The following KCNH7 variants were observed in gnomAD, a reference collection of about 807,000 sequenced individuals.
KCNH7 encodes the protein voltage-gated inwardly rectifying potassium channel KCNH7.
In KCNH7, 49 loss-of-function variants were observed where a neutral mutation model predicts 120.8. The observed-to-expected ratio is 0.41, with a 90% CI of 0.32 to 0.51. The LOEUF (loss-of-function observed/expected upper bound fraction) is 0.51, where lower values mean the gene tolerates loss of function less well. Among genes scored for constraint, KCNH7 ranks in the 20% least tolerant of loss-of-function variants. The pLI, the probability that KCNH7 is intolerant of heterozygous loss-of-function variation, is 0.38. For missense variants in KCNH7, 1,097 were observed against 1,446.6 expected, an observed-to-expected ratio of 0.76 and a Z score of 3.92; for synonymous variants, 547 against 516.1, an observed-to-expected ratio of 1.06 and a Z score of -0.81.
intron 12 of KCNH7, among the ~76,000 whole-genome samples, chr2:162,386,800 A>G (rs1220704802): frequency 1.3e-5 from 2 of 151,766 alleles, no homozygotes; most frequent in African/African-American, 2.4e-5. Context: ...TACACATGGT[A>G]GAATGTTCTG....
intron 6 of KCNH7, among the ~76,000 whole-genome samples, chr2:162,478,919 A>C (rs773544364): frequency 2.0e-5 from 3 of 152,120 alleles, no homozygotes; most frequent in Non-Finnish European, 2.9e-5. Flanking sequence ...ACATGTCCTT[A>C]ATCATTGTGA....
intron 11 of KCNH7, 83 bp downstream of exon 11, chr2:162,396,657 T>C: frequency 9.9e-7 from 1 of 1,014,992 alleles, no homozygotes; most frequent in Non-Finnish European, 1.5e-6. Flanking sequence ...AATATTTTGC[T>C]TGATTTTTCA....
Position 162,836,738 on chromosome 2 carries a change from C to T in KCNH7, c.106G>A (p.Val36Met), listed in dbSNP as rs1685676279. 1.4e-5 allele frequency: 23 copies of T among 1,613,894 alleles called. No individual in the cohort carries two copies. The highest frequency in any genetic ancestry group is 1.9e-5 in the Non-Finnish European group (23 of 1,179,844). ...NKKFIIANAR[V>M]QNCAIIYCND... Reference sequence around the variant, plus strand: ...CAATAAATGATGGCACAGTTCTGCACTCTGGCATTTGCAATGATAAATTTT... The same window carrying T: ...CAATAAATGATGGCACAGTTCTGCATTCTGGCATTTGCAATGATAAATTTT... The change falls in exon 2 of 16, where the codon GTG becomes ATG. Residue 36 changes from valine (V) to methionine (M), a missense_variant. Val to Met is a conservative substitution (Grantham distance 21). Coordinates refer to ENST00000332142, the MANE Select transcript of KCNH7 (RefSeq NM_033272.4).
intron 2 of KCNH7, among the ~76,000 whole-genome samples, chr2:162,607,958 T>C (rs1372293209): frequency 6.6e-6 from 1 of 152,210 alleles, no homozygotes; most frequent in East Asian, 1.9e-4. Context: ...CGCTGCCTTA[T>C]GAGTTTTCTT....
At chr2:162,495,245 A>G (rs1690457293) in intron 6 of KCNH7, among the ~76,000 whole-genome samples, 1 of 152,178 alleles carries the variant, frequency 6.6e-6, no homozygotes, top group African/African-American at 2.4e-5. Context: ...TGCAGAACCA[A>G]TTAAAGCTCC....
intron 6 of KCNH7, among the ~76,000 whole-genome samples, chr2:162,459,754 A>G (rs1273005196): frequency 1.3e-5 from 2 of 152,104 alleles, no homozygotes; most frequent in African/African-American, 2.4e-5. Flanking sequence ...CAGCTCACCC[A>G]TTGGTTTGGT....
chr2:162,589,894 C>T (rs1029442007), intron 2 of KCNH7, among the ~76,000 whole-genome samples: 1 of 151,890 alleles, frequency 6.6e-6, no homozygotes, highest in Non-Finnish European at 1.5e-5. Flanking sequence ...ACGTATGTTC[C>T]CTTAAACAGT....
At chr2:162,669,866 G>A (rs374146513) in intron 2 of KCNH7, among the ~76,000 whole-genome samples, 4 of 152,090 alleles carry the variant, frequency 2.6e-5, no homozygotes, top group Non-Finnish European at 5.9e-5. Flanking sequence ...TTGGGAGGCC[G>A]AGGCGGGCGG....
chr2:162,756,124 C>T (rs575810424), intron 2 of KCNH7, among the ~76,000 whole-genome samples: 1 of 152,188 alleles, frequency 6.6e-6, no homozygotes, highest in South Asian at 2.1e-4. Flanking sequence ...CATAAAAAGA[C>T]ATACTAGTTT....
chr2:162,640,624 CT>C (rs1353796034), intron 2 of KCNH7, among the ~76,000 whole-genome samples: 1 of 152,046 alleles, frequency 6.6e-6, no homozygotes, highest in East Asian at 1.9e-4. Context: ...GGAAGAAAAT[CT>C]TCAGGATCTA....
Position 162,446,215 on chromosome 2 carries a change from C to A in KCNH7, c.1357G>T (p.Val453Leu). 6.2e-7 allele frequency: 1 copy of A among 1,613,732 alleles called. No homozygotes were observed. Among genetic ancestry groups the A allele is most frequent in the Non-Finnish European group, 8.5e-7 (1 of 1,179,720 alleles). ...ATAATATCCACAATCAAGTCTACCA[C>A]ATTCAAAGGGCTACAAGAATAGCCA... Reference protein sequence around the residue: ...ECGYSCSPLNVVDLIVDIMFI... With the variant: ...ECGYSCSPLNLVDLIVDIMFI... The change falls in exon 7 of 16, where the codon GTG becomes TTG. Residue 453 changes from valine to leucine, a missense_variant. Coordinates refer to ENST00000332142, the MANE Select transcript of KCNH7 (RefSeq NM_033272.4).
chr2:162,431,409 G>T (rs552842511), intron 8 of KCNH7, among the ~76,000 whole-genome samples: 45 of 151,894 alleles, frequency 3.0e-4, no homozygotes, highest in African/African-American at 1.1e-3. Flanking sequence ...TATCATTTTT[G>T]AATATAGTTA....
At chr2:162,519,753 C>T (rs1161486637) in intron 3 of KCNH7, among the ~76,000 whole-genome samples, 1 of 151,840 alleles carries the variant, frequency 6.6e-6, no homozygotes, top group East Asian at 1.9e-4. Flanking sequence ...TACAATTACA[C>T]ACTGACCTTA....
intron 6 of KCNH7, among the ~76,000 whole-genome samples, chr2:162,457,960 C>A (rs1689023600): frequency 2.0e-5 from 3 of 152,094 alleles, no homozygotes; most frequent in Admixed American, 2.0e-4. Context: ...GATGGAAAAG[C>A]ATCACACAAT....
intron 2 of KCNH7, among the ~76,000 whole-genome samples, chr2:162,790,391 G>C (rs995155449): frequency 6.6e-6 from 1 of 151,872 alleles, no homozygotes; most frequent in African/African-American, 2.4e-5. Context: ...GGCTTCTCTG[G>C]TGAATTCTAC....
chr2:162,700,304 A>G (rs1686448207), intron 2 of KCNH7, among the ~76,000 whole-genome samples: 1 of 152,316 alleles, frequency 6.6e-6, no homozygotes, highest in East Asian at 1.9e-4. Context: ...CTTTTCATCC[A>G]TTTATGATTT....
intron 2 of KCNH7, among the ~76,000 whole-genome samples, chr2:162,800,998 C>T (rs1185941537): frequency 6.6e-6 from 1 of 151,678 alleles, no homozygotes; most frequent in Non-Finnish European, 1.5e-5. Flanking sequence ...ATGCTACATA[C>T]AAATATTGAC....
At chr2:162,616,872 C>T (rs1447300560) in intron 2 of KCNH7, among the ~76,000 whole-genome samples, 1 of 152,082 alleles carries the variant, frequency 6.6e-6, no homozygotes, top group Non-Finnish European at 1.5e-5. Context: ...TACTTTCTTG[C>T]TTGAAAGTAG....
At chr2:162,782,923 G>A (rs926447431) in intron 2 of KCNH7, among the ~76,000 whole-genome samples, 1 of 152,088 alleles carries the variant, frequency 6.6e-6, no homozygotes, top group Non-Finnish European at 1.5e-5. Context: ...AGATTGGGGA[G>A]GTGAAAGTGG....
Sources: gnomAD v4.1 joint callset for allele counts (sites outside exome capture counted in the v4.1 genomes callset) on GRCh38, gnomAD v4.1.1 for gene constraint, MANE v1.5 for transcripts, NCBI Gene and HGNC (gene_info 2026-07-23, HGNC 2026-07-21) for gene names.